SMPX: variants seen among roughly 807,000 people sequenced by gnomAD.
SMPX encodes small muscular protein.
SMPX carries 2 observed loss-of-function variants against 6.3 expected under a neutral mutation model. The ratio of observed to expected loss-of-function variants is 0.32; its 90% CI spans 0.13 to 0.99. The LOEUF (loss-of-function observed/expected upper bound fraction) is 0.99. Ranked by LOEUF, SMPX falls within the 50% of genes least tolerant of loss-of-function variation. The pLI is 0.49. For synonymous variants in SMPX, 32 were observed against 24.7 expected (o/e 1.30, Z -0.88); for missense variants, 60 against 66.8 (o/e 0.90, Z 0.36).
intron 4 of SMPX, among the ~76,000 whole-genome samples, chrX:21,708,362 A>C (rs1260566223): frequency 8.9e-6 from 1 of 112,380 alleles, no homozygotes; most frequent in East Asian, 2.8e-4. Flanking sequence ...AATCCAGAGA[A>C]GTATATAGCA....
At chrX:21,737,836 T>C in intron 3 of SMPX, 139 bp from the exon 4 acceptor site, 1 of 578,989 alleles carries the variant, frequency 1.7e-6, no homozygotes, top group East Asian at 3.6e-5. Context: ...TCCCTTGTGT[T>C]GTTGAGACAG....
chrX:21,734,549 C>A (rs1487985711), intron 4 of SMPX, among the ~76,000 whole-genome samples: 1 of 111,975 alleles, frequency 8.9e-6, no homozygotes, highest in Non-Finnish European at 1.9e-5. Context: ...CCTTAAATCA[C>A]AGCCAGGAGG....
At chrX:21,725,178 G>C (rs998990574) in intron 4 of SMPX, among the ~76,000 whole-genome samples, 5 of 111,604 alleles carry the variant, frequency 4.5e-5, no homozygotes, top group Non-Finnish European at 7.5e-5. Context: ...ACCTCTGCAA[G>C]GTAATCATAG....
intron 2 of SMPX, among the ~76,000 whole-genome samples, chrX:21,750,356 C>T (rs1342433856): frequency 4.5e-5 from 5 of 111,606 alleles, no homozygotes; most frequent in Non-Finnish European, 7.5e-5. Context: ...ATCTATAGTC[C>T]GCGGGCCAAA....
intron 4 of SMPX, among the ~76,000 whole-genome samples, chrX:21,731,884 C>G (rs1333431925): frequency 9.4e-6 from 1 of 106,769 alleles, no homozygotes; most frequent in African/African-American, 3.4e-5. Context: ...TTGTTCTTGT[C>G]TTATATTTCC....
chrX:21,710,429 A>G (rs1425022191), intron 4 of SMPX, among the ~76,000 whole-genome samples: 1 of 111,496 alleles, frequency 9.0e-6, no homozygotes, highest in Non-Finnish European at 1.9e-5. Context: ...AGCTAGGGAT[A>G]AAAACAACAT....
At chrX:21,730,257 T>C (rs2092801829) in intron 4 of SMPX, among the ~76,000 whole-genome samples, 1 of 111,465 alleles carries the variant, frequency 9.0e-6, no homozygotes, top group Admixed American at 9.5e-5. Context: ...AATAAATCAG[T>C]CCTCTGTCTT....
chrX:21,711,321 A>T (rs2092778478), intron 4 of SMPX, among the ~76,000 whole-genome samples: 1 of 111,815 alleles, frequency 8.9e-6, no homozygotes, highest in African/African-American at 3.3e-5. Context: ...ATGCAAGTGT[A>T]TTGGGCTGTC....
At chrX:21,715,442 A>G (rs1410957236) in intron 4 of SMPX, among the ~76,000 whole-genome samples, 1 of 111,590 alleles carries the variant, frequency 9.0e-6, no homozygotes, top group Non-Finnish European at 1.9e-5. Flanking sequence ...AACCAATTAC[A>G]TCAGAGTCTC....
Position 21,721,236 on chromosome X carries a change from A to G in SMPX, c.*15-14842T>C, listed in dbSNP as rs185191734. On this transcript the variant is annotated intron_variant, in intron 4 of 4. Coordinates refer to ENST00000379494, the MANE Select transcript of SMPX (RefSeq NM_014332.3). ...ACACGAGTCACAACCCTGACAAGAC[A>G]GCACATTTATTAGTGGGAGCTAGAG... Among the ~76,000 whole-genome samples, 661 of 111,833 alleles carry G rather than the reference A, an allele frequency of 5.9e-3. 3 individuals carry two copies. Among genetic ancestry groups the G allele is most frequent in the Non-Finnish European group, 8.9e-3 (475 of 53,152 alleles).
intron 4 of SMPX, among the ~76,000 whole-genome samples, chrX:21,731,601 T>G (rs1232795705): frequency 2.1e-5 from 2 of 96,857 alleles, no homozygotes; most frequent in Non-Finnish European, 4.2e-5. Context: ...TACACATTAA[T>G]GTGTATATGT....
chrX:21,741,374 A>G (rs1467825702), intron 3 of SMPX, among the ~76,000 whole-genome samples: 1 of 112,263 alleles, frequency 8.9e-6, no homozygotes, highest in Non-Finnish European at 1.9e-5. Flanking sequence ...AAGCAATTCC[A>G]AGTTTGCAAA....
intron 2 of SMPX, among the ~76,000 whole-genome samples, chrX:21,753,313 C>T (rs754555224): frequency 1.2e-4 from 13 of 111,786 alleles, no homozygotes; most frequent in Non-Finnish European, 2.1e-4. Flanking sequence ...CCTCCACCAG[C>T]GGTGTGTGCT....
chrX:21,724,253 C>T (rs2092794653), intron 4 of SMPX, among the ~76,000 whole-genome samples: 1 of 111,891 alleles, frequency 8.9e-6, no homozygotes, highest in South Asian at 3.8e-4. Flanking sequence ...GTGAAGTTTT[C>T]CCCAGACCCA....
chrX:21,714,343 A>T (rs2092781953), intron 4 of SMPX, among the ~76,000 whole-genome samples: 1 of 112,050 alleles, frequency 8.9e-6, no homozygotes. Flanking sequence ...TTCCAGTTTT[A>T]TACTGTATAA....
chrX:21,728,189 T>G, intron 4 of SMPX, among the ~76,000 whole-genome samples: 2 of 95,976 alleles, frequency 2.1e-5, no homozygotes, highest in East Asian at 3.4e-4. Flanking sequence ...CTCCTCTCCT[T>G]TCCCCTCCTC....
At chrX:21,727,563 C>G (rs1313091033) in intron 4 of SMPX, 2 of 112,096 alleles carry the variant, frequency 1.8e-5, no homozygotes, top group East Asian at 5.6e-4. Context: ...ATAGGACACG[C>G]TTGCTTTCGG....
chrX:21,708,799 T>C (rs1602095968), intron 4 of SMPX, among the ~76,000 whole-genome samples: 1 of 112,707 alleles, frequency 8.9e-6, no homozygotes, highest in East Asian at 2.8e-4. Flanking sequence ...AATACATTAT[T>C]GTTGACCATA....
At position 21,758,101 on chromosome X, in the gene SMPX, G is replaced by A. The variant is rs1392833668; in HGVS notation, c.-172C>T. On this transcript the variant is annotated 5_prime_UTR_variant, in exon 1 of 5. Coordinates refer to ENST00000379494, the MANE Select transcript of SMPX (RefSeq NM_014332.3). ...GCTGAAATAGCTCTGTGCCTCTCCC[G>A]GTATTGAGAACTGCTCCTGGCTCGG... 2 of 329,414 alleles carry A rather than the reference G, an allele frequency of 6.1e-6. No individual in the cohort carries two copies. Among genetic ancestry groups the A allele is most frequent in the East Asian group, 9.7e-5 (1 of 10,298 alleles). The allele number at this position is 329,414 out of a possible 1,213,427, so 27.1% of individuals were successfully genotyped here. A position where few individuals can be genotyped will look rare whatever the true frequency, so the allele number is the denominator to read the frequency against.
Sources: gnomAD v4.1 joint callset for allele counts (sites outside exome capture counted in the v4.1 genomes callset) on GRCh38, gnomAD v4.1.1 for gene constraint, MANE v1.5 for transcripts, NCBI Gene and HGNC (gene_info 2026-07-23, HGNC 2026-07-21) for gene names.